ATP2B2: variants seen among roughly 807,000 people sequenced by gnomAD.
ATP2B2 encodes plasma membrane calcium-transporting ATPase 2.
ATP2B2 carries 15 observed loss-of-function variants against 120.0 expected under a neutral mutation model. That is an observed-to-expected ratio of 0.12 (90% confidence interval 0.08 to 0.19). The LOEUF is 0.19. Ranked by LOEUF, ATP2B2 falls within the 10% of genes least tolerant of loss-of-function variation. The pLI, the probability that ATP2B2 is intolerant of heterozygous loss-of-function variation, is 1.00. For missense variants in ATP2B2, 1,045 were observed against 1,719.8 expected, an observed-to-expected ratio of 0.61 and a Z score of 6.94; for synonymous variants, 694 against 700.3, an observed-to-expected ratio of 0.99 and a Z score of 0.14.
chr3:10,554,947 G>C (rs1452539311), intron 2 of ATP2B2, among the ~76,000 whole-genome samples: 1 of 152,172 alleles, frequency 6.6e-6, no homozygotes, highest in Non-Finnish European at 1.5e-5. Flanking sequence ...CCCCTTCCCT[G>C]CCATTCTCTG....
chr3:10,502,863 G>GTAGTCAAAGAGGT (rs1343569533), intron 1 of ATP2B2, among the ~76,000 whole-genome samples: 5 of 152,240 alleles, frequency 3.3e-5, no homozygotes, highest in African/African-American at 4.8e-5. Flanking sequence ...GTCAAAGAGG[G>GTAGTCAAAGAGGT]TAGTTGGGCA....
At chr3:10,669,359 G>C (rs1274873671) in intron 1 of ATP2B2, among the ~76,000 whole-genome samples, 1 of 152,006 alleles carries the variant, frequency 6.6e-6, no homozygotes, top group Non-Finnish European at 1.5e-5. Flanking sequence ...GCCTCTTCCT[G>C]GCCCCAGATC....
At chr3:10,335,797 C>G (rs939328380) in intron 22 of ATP2B2, among the ~76,000 whole-genome samples, 10 of 152,164 alleles carry the variant, frequency 6.6e-5, no homozygotes, top group Admixed American at 6.5e-4. Flanking sequence ...CCATGTCTGT[C>G]CCCCTCTGGC....
At chr3:10,690,767 C>T (rs571846821) in intron 1 of ATP2B2, among the ~76,000 whole-genome samples, 29 of 152,238 alleles carry the variant, frequency 1.9e-4, no homozygotes, top group Non-Finnish European at 3.4e-4. Flanking sequence ...CACTTATTGA[C>T]GGGCAATGTC....
chr3:10,385,208 G>T (rs994971352), intron 8 of ATP2B2, 60 bp downstream of exon 8: 2 of 1,523,482 alleles, frequency 1.3e-6, no homozygotes, highest in Non-Finnish European at 1.8e-6. Context: ...GCCCAAAGTT[G>T]GGGTGGGGGT....
rs181826206 is a variant in ATP2B2 at position 10,446,057 on chromosome 3, G to C, written c.199+3288C>G. The stretch of plus-strand genomic sequence containing the variant: ...TTGGCTCAGGTCTGAGCATGGGGCT[G>C]AGTTCAAAGCCTGCTCTGACCTGAA... On this transcript the variant is annotated intron_variant, in intron 2 of 22. Transcript: ENST00000360273. Among the ~76,000 whole-genome samples, 24 of 152,344 alleles carry C rather than the reference G, an allele frequency of 1.6e-4. No individual in the cohort carries two copies. In the East Asian group the frequency reaches 4.1e-3, roughly 26 times the overall value.
chr3:10,552,459 G>A (rs1429206597), intron 2 of ATP2B2, among the ~76,000 whole-genome samples: 2 of 152,240 alleles, frequency 1.3e-5, no homozygotes, highest in Non-Finnish European at 2.9e-5. Flanking sequence ...CATCTTGTGG[G>A]TGCTGCCCTC....
At chr3:10,609,315 G>T (rs937157586) in intron 2 of ATP2B2, among the ~76,000 whole-genome samples, 14 of 151,848 alleles carry the variant, frequency 9.2e-5, no homozygotes, top group Admixed American at 9.2e-4. Flanking sequence ...GCTGCCAGCA[G>T]CAGGGCAGAG....
chr3:10,611,481 C>T (rs1016571913), intron 2 of ATP2B2, among the ~76,000 whole-genome samples: 1 of 143,834 alleles, frequency 7.0e-6, no homozygotes, highest in African/African-American at 2.6e-5. Flanking sequence ...TGTCCACCGA[C>T]ATCTGCACTC....
intron 1 of ATP2B2, among the ~76,000 whole-genome samples, chr3:10,631,476 C>T (rs2069863970): frequency 6.6e-6 from 1 of 152,220 alleles, no homozygotes; most frequent in Admixed American, 6.5e-5. Context: ...AGTGGCAGAG[C>T]AAGGCCTCCA....
At chr3:10,398,576 G>A (rs185770952) in intron 5 of ATP2B2, among the ~76,000 whole-genome samples, 1 of 152,348 alleles carries the variant, frequency 6.6e-6, no homozygotes, top group East Asian at 1.9e-4. Context: ...AATGCCTTCT[G>A]TCTGTCCCCA....
At chr3:10,364,735 A>T (rs1000347311) in intron 12 of ATP2B2, among the ~76,000 whole-genome samples, 13 of 152,154 alleles carry the variant, frequency 8.5e-5, no homozygotes, top group Admixed American at 7.2e-4. Flanking sequence ...ATAATAATAA[A>T]AATAAAAAAA....
At chr3:10,464,452 G>A (rs1202031530) in intron 1 of ATP2B2, among the ~76,000 whole-genome samples, 3 of 152,106 alleles carry the variant, frequency 2.0e-5, no homozygotes, top group Admixed American at 2.0e-4. Context: ...GTATAGCTTG[G>A]CTCCCTCCAT....
intron 17 of ATP2B2, 23 bp from the exon 18 acceptor site, chr3:10,345,598 C>T: frequency 6.2e-7 from 1 of 1,611,488 alleles, no homozygotes; most frequent in Non-Finnish European, 8.5e-7. Flanking sequence ...GGACAGGAGG[C>T]TGGGTGGGGT....
chr3:10,474,861 T>C lies in ATP2B2; in HGVS notation c.-319-24999A>G, dbSNP rs953731679. Among the ~76,000 whole-genome samples the C allele has an allele frequency of 7.2e-5, 11 of 152,262 alleles. No homozygotes were observed. In the East Asian group the frequency reaches 1.3e-3, roughly 19 times the overall value. On this transcript the variant is annotated intron_variant, in intron 1 of 22. Coordinates refer to ENST00000360273, the MANE Select transcript of ATP2B2 (RefSeq NM_001001331.4). ...ATGGCCTTCTGGACACACTACACTA[T>C]CACTGTCTTTCTGGGAGCCCCTTGT...
chr3:10,502,164 C>CT (rs1278187394), intron 1 of ATP2B2, among the ~76,000 whole-genome samples: 1 of 152,202 alleles, frequency 6.6e-6, no homozygotes, highest in Non-Finnish European at 1.5e-5. Context: ...GATTTCTTTC[C>CT]TTTTTTCCCT....
chr3:10,594,678 G>T (rs1259273102), intron 2 of ATP2B2, among the ~76,000 whole-genome samples: 4 of 150,140 alleles, frequency 2.7e-5, no homozygotes, highest in Non-Finnish European at 5.9e-5. Flanking sequence ...TAACAAACCT[G>T]CACGTTGTGC....
intron 2 of ATP2B2, among the ~76,000 whole-genome samples, chr3:10,578,518 G>A (rs2068306973): frequency 6.6e-6 from 1 of 150,424 alleles, no homozygotes; most frequent in Non-Finnish European, 1.5e-5. Flanking sequence ...CTGCACTCCA[G>A]CCTGGGTGAC....
rs916921377 is a variant in ATP2B2, at chr3:10,375,549, T to C, written c.1297A>G (p.Thr433Ala). 6.2e-7 allele frequency: 1 copy of C among 1,613,540 alleles called. No individual in the cohort carries two copies. The highest frequency in any genetic ancestry group is 1.3e-5 in the African/African-American group (1 of 74,896). ...VNKKPWLPECTPVYVQYFVKF... is the reference protein window; with the variant it reads ...VNKKPWLPECAPVYVQYFVKF... Reference sequence around the variant, plus strand: ...ACAAAGTACTGCACGTAGACGGGCGTGCACTCAGGCAGCCACGGCTTCTTG... The same window carrying C: ...ACAAAGTACTGCACGTAGACGGGCGCGCACTCAGGCAGCCACGGCTTCTTG... Residue 433 changes from threonine (T) to alanine (A), a missense_variant, in exon 11 of 23, where the codon ACG becomes GCG. By Grantham distance (58) the Thr-to-Ala change is moderately conservative. Coordinates refer to ENST00000360273, the MANE Select transcript of ATP2B2 (RefSeq NM_001001331.4). The surrounding 1 kb of genome is among the most constrained non-coding windows in gnomAD (Gnocchi z 4.2).
Sources: gnomAD v4.1 joint callset for allele counts (sites outside exome capture counted in the v4.1 genomes callset) on GRCh38, gnomAD v4.1.1 for gene constraint, Gnocchi (gnomAD v3.1) non-coding constraint, MANE v1.5 for transcripts, NCBI Gene and HGNC (gene_info 2026-07-23, HGNC 2026-07-21) for gene names.